DLGAP2: variants seen among roughly 807,000 people sequenced by gnomAD.
DLGAP2 encodes DLG associated protein 2.
A neutral mutation model predicts 100.3 loss-of-function variants in DLGAP2; 26 were observed. The observed-to-expected ratio is 0.26, with a 90% CI of 0.19 to 0.36. The LOEUF is 0.36. Ranked by LOEUF, DLGAP2 falls within the 10% of genes least tolerant of loss-of-function variation. The pLI is 1.00. For missense variants in DLGAP2, 1,858 were observed against 1,453.2 expected (o/e 1.28, Z -4.53); for synonymous variants, 886 against 630.1 (o/e 1.41, Z -6.08).
At chr8:1,164,251 C>T (rs1196973774) in intron 2 of DLGAP2, among the ~76,000 whole-genome samples, 9 of 16,822 alleles carry the variant, frequency 5.4e-4, no homozygotes, top group African/African-American at 1.3e-3. Context: ...TTCTGTGAGC[C>T]CCCCCAGGGC....
At chr8:1,031,043 G>T (rs2129027890) in intron 2 of DLGAP2, among the ~76,000 whole-genome samples, 1 of 152,328 alleles carries the variant, frequency 6.6e-6, no homozygotes, top group Non-Finnish European at 1.5e-5. Context: ...GTGGCTGCGG[G>T]TCTTCTGCCT....
At chr8:1,351,910 G>GT (rs1368425421) in intron 3 of DLGAP2, among the ~76,000 whole-genome samples, 8 of 96,174 alleles carry the variant, frequency 8.3e-5, no homozygotes, top group Non-Finnish European at 1.3e-4. Context: ...TCCTGACTGT[G>GT]GAAAGGCCGT....
chr8:885,195 A>G (rs2128994406), intron 1 of DLGAP2, among the ~76,000 whole-genome samples: 1 of 152,304 alleles, frequency 6.6e-6, no homozygotes, highest in South Asian at 2.1e-4. Flanking sequence ...TGGGAATAGC[A>G]TTGAATCCAT....
intron 4 of DLGAP2, among the ~76,000 whole-genome samples, chr8:1,505,712 G>A (rs1799886296): frequency 6.6e-6 from 1 of 152,144 alleles, no homozygotes; most frequent in East Asian, 1.9e-4. Flanking sequence ...TTTTCCAGAA[G>A]AAATGTTTCT....
At chr8:1,639,192 C>T (rs1263256523) in intron 8 of DLGAP2, among the ~76,000 whole-genome samples, 4 of 152,146 alleles carry the variant, frequency 2.6e-5, no homozygotes, top group Admixed American at 6.5e-5. Flanking sequence ...GAGCCACCCC[C>T]GAACAGGAGG....
rs116289139 is a variant in DLGAP2 at position 1,656,958 on chromosome 8, T to C, written c.1811-11371T>C. 7.1e-3 allele frequency among the ~76,000 whole-genome samples: 1,080 copies of C among 152,318 alleles called. 5 individuals carry two copies. The highest frequency in any genetic ancestry group is 0.025 in the African/African-American group (1,024 of 41,568). ...GTAATTGAATTACAAAGCCCAGGTA[T>C]GTTTTCATCTATTTCCCTGTAATTT... On this transcript the variant is annotated intron_variant, in intron 8 of 14. Transcript: ENST00000637795.
chr8:1,294,584 G>C (rs1269476732), intron 3 of DLGAP2, among the ~76,000 whole-genome samples: 1 of 152,118 alleles, frequency 6.6e-6, no homozygotes, highest in African/African-American at 2.4e-5. Context: ...GGCATCACTG[G>C]GTCAATGTCG....
chr8:1,101,698 G>C lies in DLGAP2; in HGVS notation c.74-157153G>C, dbSNP rs866712761. On this transcript the variant is annotated intron_variant, in intron 2 of 14. Transcript: ENST00000637795. ...CCGAACACGACACGACGATGGGAAG[G>C]TCCTCGTCACCCCGGAGCCGAACAC... Among the ~76,000 whole-genome samples, 25 of 147,872 alleles carry C rather than the reference G, an allele frequency of 1.7e-4. No individual in the cohort carries two copies. The East Asian group carries it at 3.5e-3, about 21-fold the overall frequency.
intron 3 of DLGAP2, among the ~76,000 whole-genome samples, chr8:1,392,381 C>A (rs545377659): frequency 3.3e-5 from 5 of 152,136 alleles, no homozygotes; most frequent in Non-Finnish European, 7.3e-5. Context: ...CCTTTCTTCC[C>A]ATCAACTCGC....
At chr8:894,070 G>A (rs762820781) in intron 1 of DLGAP2, among the ~76,000 whole-genome samples, 4 of 152,172 alleles carry the variant, frequency 2.6e-5, no homozygotes, top group South Asian at 2.1e-4. Context: ...CCCCTCGTGC[G>A]TGAGACGTCC....
intron 3 of DLGAP2, among the ~76,000 whole-genome samples, chr8:1,269,026 A>G (rs577239085): frequency 6.6e-6 from 1 of 152,298 alleles, no homozygotes; most frequent in African/African-American, 2.4e-5. Flanking sequence ...ACCAGAGACA[A>G]GGAACAGAAT....
chr8:974,412 T>A (rs1800110644), intron 2 of DLGAP2, among the ~76,000 whole-genome samples: 1 of 152,192 alleles, frequency 6.6e-6, no homozygotes, highest in Non-Finnish European at 1.5e-5. Flanking sequence ...CAGAATTCTG[T>A]CTATAGATGA....
chr8:1,629,661 T>G (rs1456831008), intron 7 of DLGAP2, among the ~76,000 whole-genome samples: 1 of 152,230 alleles, frequency 6.6e-6, no homozygotes, highest in Non-Finnish European at 1.5e-5. Flanking sequence ...TCCCTTTCAG[T>G]GGATATAACC....
intron 2 of DLGAP2, among the ~76,000 whole-genome samples, chr8:1,178,659 C>G (rs900392145): frequency 5.3e-5 from 8 of 152,116 alleles, no homozygotes; most frequent in African/African-American, 1.4e-4. Flanking sequence ...AGCTCTCAAA[C>G]CCACCTTGAA....
chr8:887,520 C>T (rs944328655), intron 1 of DLGAP2, among the ~76,000 whole-genome samples: 1 of 152,154 alleles, frequency 6.6e-6, no homozygotes, highest in African/African-American at 2.4e-5. Flanking sequence ...CCAGTTTTTC[C>T]TTTCCATATT....
At chr8:1,696,925 A>G (rs545179974) in intron 13 of DLGAP2, among the ~76,000 whole-genome samples, 2 of 152,370 alleles carry the variant, frequency 1.3e-5, no homozygotes, top group South Asian at 2.1e-4. Context: ...AACGTGGAAC[A>G]ATGAACAGCT....
chr8:1,622,375 G>T (rs576010426), intron 6 of DLGAP2: 1 of 152,344 alleles, frequency 6.6e-6, no homozygotes, highest in African/African-American at 2.4e-5. Flanking sequence ...TAACAAGGGA[G>T]ATGGTTTACG....
rs375705356 is a variant in DLGAP2, at chr8:801,160, A to C, written c.18+63335A>C. Among the ~76,000 whole-genome samples, 6 of 152,250 alleles carry C rather than the reference A, an allele frequency of 3.9e-5. No homozygotes were observed. In the South Asian group the frequency reaches 8.3e-4, roughly 21 times the overall value. Reference sequence around the variant, plus strand: ...CGTTGTGCCTGCGTGTTTCTCTCTCACTTCACAGAGTACTGGGTGCACCTT... The same window carrying C: ...CGTTGTGCCTGCGTGTTTCTCTCTCCCTTCACAGAGTACTGGGTGCACCTT... On this transcript the variant is annotated intron_variant, in intron 1 of 14. Coordinates refer to ENST00000637795, the MANE Select transcript of DLGAP2 (RefSeq NM_001346810.2).
At chr8:790,655 C>T (rs1291799166) in intron 1 of DLGAP2, among the ~76,000 whole-genome samples, 1 of 152,162 alleles carries the variant, frequency 6.6e-6, no homozygotes, top group Non-Finnish European at 1.5e-5. Context: ...GACAAGAACT[C>T]CGTATTTCAT....
Sources: gnomAD v4.1 joint callset for allele counts (sites outside exome capture counted in the v4.1 genomes callset) on GRCh38, gnomAD v4.1.1 for gene constraint, MANE v1.5 for transcripts, NCBI Gene and HGNC (gene_info 2026-07-23, HGNC 2026-07-21) for gene names.